AMMECR1: variants seen among roughly 807,000 people sequenced by gnomAD.
AMMECR1 encodes AMMECR nuclear protein 1, also known as nuclear protein AMMECR1.
In AMMECR1, 3 loss-of-function variants were observed where a neutral mutation model predicts 22.5. That is an observed-to-expected ratio of 0.13 (90% confidence interval 0.06 to 0.35). The LOEUF (loss-of-function observed/expected upper bound fraction) is 0.35. Ranked by LOEUF, AMMECR1 falls within the 10% of genes least tolerant of loss-of-function variation. The pLI, the probability that AMMECR1 is intolerant of heterozygous loss-of-function variation, is 1.00. For synonymous variants in AMMECR1, 130 were observed against 116.7 expected (o/e 1.11, Z -0.74); for missense variants, 235 against 278.7 (o/e 0.84, Z 1.12).
chrX:110,346,938 G>C (rs1272892495), intron 2 of AMMECR1: 2 of 532,408 alleles, frequency 3.8e-6, no homozygotes, highest in African/African-American at 4.6e-5. Flanking sequence ...GCCGATTCGT[G>C]GGTCGGTGGG....
chrX:110,348,320 C>A (rs1359035139), intron 2 of AMMECR1, among the ~76,000 whole-genome samples: 1 of 112,035 alleles, frequency 8.9e-6, no homozygotes, highest in Non-Finnish European at 1.9e-5. Flanking sequence ...TATTTAAAAG[C>A]TGGTAATAAT....
intron 1 of AMMECR1, among the ~76,000 whole-genome samples, chrX:110,303,231 T>C (rs1311445944): frequency 1.8e-5 from 2 of 111,504 alleles, no homozygotes; most frequent in South Asian, 3.8e-4. Context: ...GAGACAGGAA[T>C]CAGGGCCCGT....
At chrX:110,218,912 T>TTTTAAAAAAGATTATA (rs2067487351) in intron 2 of AMMECR1, among the ~76,000 whole-genome samples, 1 of 111,680 alleles carries the variant, frequency 9.0e-6, no homozygotes, top group Non-Finnish European at 1.9e-5. Flanking sequence ...GCCTTTAGCG[T>TTTTAAAAAAGATTATA]CTGGCTTCTT....
At chrX:110,239,615 T>A (rs186321671) in intron 2 of AMMECR1, among the ~76,000 whole-genome samples, 2 of 111,997 alleles carry the variant, frequency 1.8e-5, no homozygotes, top group East Asian at 5.6e-4. Context: ...TGGAACCAAG[T>A]TGCAGAACAC....
intron 2 of AMMECR1, among the ~76,000 whole-genome samples, chrX:110,414,558 A>T (rs1007935110): frequency 8.8e-6 from 1 of 113,215 alleles, no homozygotes; most frequent in Admixed American, 9.2e-5. Context: ...TGCTTTACAG[A>T]GGAGGAAGCT....
chrX:110,351,822 C>T (rs1300904711), intron 2 of AMMECR1, among the ~76,000 whole-genome samples: 1 of 112,061 alleles, frequency 8.9e-6, no homozygotes, highest in Admixed American at 9.4e-5. Context: ...AAAGTGTTTG[C>T]AAACCATGTT....
chrX:110,428,792 A>G (rs189767955), intron 1 of AMMECR1, among the ~76,000 whole-genome samples: 1 of 112,189 alleles, frequency 8.9e-6, no homozygotes, highest in East Asian at 2.8e-4. Context: ...CAGCCACATC[A>G]TCTGAGGGTC....
chrX:110,269,652 T>G (rs2067788747), intron 1 of AMMECR1, among the ~76,000 whole-genome samples: 1 of 111,312 alleles, frequency 9.0e-6, no homozygotes, highest in Non-Finnish European at 1.9e-5. Context: ...TACAACTATA[T>G]TCCTCATAAC....
intron 2 of AMMECR1, among the ~76,000 whole-genome samples, chrX:110,380,801 A>G (rs2068413495): frequency 8.9e-6 from 1 of 112,172 alleles, no homozygotes; most frequent in Non-Finnish European, 1.9e-5. Context: ...CACACCTACA[A>G]CCAACTAGTC....
At chrX:110,323,376 C>A (rs2068086351) in intron 2 of AMMECR1, among the ~76,000 whole-genome samples, 1 of 112,144 alleles carries the variant, frequency 8.9e-6, no homozygotes. Context: ...AAAAAAGATA[C>A]CCCATACCCA....
intron 1 of AMMECR1, among the ~76,000 whole-genome samples, chrX:110,427,816 A>G (rs368552253): frequency 7.2e-5 from 8 of 111,844 alleles, no homozygotes; most frequent in East Asian, 5.7e-4. Flanking sequence ...AGTCATTTGC[A>G]ATTCTCTTAG....
chrX:110,224,541 T>C (rs1490083325), intron 2 of AMMECR1, among the ~76,000 whole-genome samples: 1 of 110,770 alleles, frequency 9.0e-6, no homozygotes, highest in Non-Finnish European at 1.9e-5. Context: ...AAAAGATATA[T>C]ATATATTTTT....
At chrX:110,330,483 G>A (rs2068116430) in intron 2 of AMMECR1, among the ~76,000 whole-genome samples, 1 of 112,129 alleles carries the variant, frequency 8.9e-6, no homozygotes, top group Non-Finnish European at 1.9e-5. Context: ...CACTGAAATT[G>A]AGAGTAAGAA....
chrX:110,283,234 A>C (rs1465666952), intron 1 of AMMECR1, among the ~76,000 whole-genome samples: 1 of 112,040 alleles, frequency 8.9e-6, no homozygotes, highest in Non-Finnish European at 1.9e-5. Flanking sequence ...ATAACTGTTC[A>C]AAACATTTTT....
chrX:110,315,718 C>T (rs918110342), intron 1 of AMMECR1, among the ~76,000 whole-genome samples: 1 of 111,787 alleles, frequency 8.9e-6, no homozygotes, highest in Admixed American at 9.5e-5. Flanking sequence ...AGCAATGGAG[C>T]GTGAATACTA....
chrX:110,349,936 G>C (rs112013722), intron 2 of AMMECR1, among the ~76,000 whole-genome samples: 8,130 of 111,339 alleles, frequency 0.073, 737 homozygotes, highest in African/African-American at 0.25. Context: ...CTCCCATTTC[G>C]CATTCTCCCA....
At chrX:110,318,692 C>T (rs1472094761), upstream of AMMECR1, among the ~76,000 whole-genome samples, 1 of 111,195 alleles carries the variant, frequency 9.0e-6, no homozygotes, top group Non-Finnish European at 1.9e-5. Context: ...CCTGAGACCG[C>T]CCCTGTAAAG....
intron 2 of AMMECR1, among the ~76,000 whole-genome samples, chrX:110,249,548 C>T (rs903234647): frequency 2.7e-5 from 3 of 111,447 alleles, no homozygotes; most frequent in African/African-American, 9.8e-5. Flanking sequence ...AGCACACACA[C>T]ACAAAACAGA....
intron 2 of AMMECR1, among the ~76,000 whole-genome samples, chrX:110,410,126 A>G (rs758319395): frequency 8.9e-6 from 1 of 111,753 alleles, no homozygotes; most frequent in East Asian, 2.8e-4. Context: ...CAGCTGAGTC[A>G]CCGACAGGGA....
Sources: gnomAD v4.1 joint callset for allele counts (sites outside exome capture counted in the v4.1 genomes callset) on GRCh38, gnomAD v4.1.1 for gene constraint, MANE v1.5 for transcripts, NCBI Gene and HGNC (gene_info 2026-07-23, HGNC 2026-07-21) for gene names.